The following TNRC6A variants were observed in gnomAD, a reference collection of about 807,000 sequenced individuals.
The protein encoded by TNRC6A is trinucleotide repeat-containing gene 6A protein.
A neutral mutation model predicts 221.2 loss-of-function variants in TNRC6A; 44 were observed. The ratio of observed to expected loss-of-function variants is 0.20; its 90% CI spans 0.16 to 0.26. The LOEUF (loss-of-function observed/expected upper bound fraction) is 0.26, where lower values mean the gene tolerates loss of function less well. Among genes scored for constraint, TNRC6A ranks in the 10% least tolerant of loss-of-function variants. TNRC6A has a pLI of 1.00. For synonymous variants in TNRC6A, 847 were observed against 838.5 expected (o/e 1.01, Z -0.18); for missense variants, 2,199 against 2,404.4 (o/e 0.91, Z 1.79).
chr16:24,801,707 C>T (rs1031663724), intron 11 of TNRC6A, among the ~76,000 whole-genome samples: 5 of 152,038 alleles, frequency 3.3e-5, no homozygotes, highest in South Asian at 2.1e-4. Context: ...CCAAACTGGT[C>T]GCAAACTCCT....
intron 1 of TNRC6A, among the ~76,000 whole-genome samples, chr16:24,614,091 C>T (rs1242158014): frequency 3.9e-5 from 6 of 152,242 alleles, no homozygotes; most frequent in African/African-American, 1.2e-4. Context: ...GTTGGTTGTT[C>T]GTGGATGATC....
intron 4 of TNRC6A, among the ~76,000 whole-genome samples, chr16:24,774,588 G>C (rs1596674240): frequency 6.6e-6 from 1 of 152,000 alleles, no homozygotes; most frequent in Non-Finnish European, 1.5e-5. Context: ...TTAATGTTTA[G>C]ATTTTTAAAG....
At chr16:24,735,483 G>A (rs1022363920) in intron 2 of TNRC6A, among the ~76,000 whole-genome samples, 3 of 152,164 alleles carry the variant, frequency 2.0e-5, no homozygotes, top group South Asian at 2.1e-4. Flanking sequence ...AGGTTGGTGC[G>A]AAAGTTAATT....
chr16:24,721,826 C>T (rs544845430), intron 2 of TNRC6A, among the ~76,000 whole-genome samples: 11 of 152,276 alleles, frequency 7.2e-5, no homozygotes, highest in Non-Finnish European at 1.3e-4. Flanking sequence ...TAAAAAGGAA[C>T]GAACTTAATA....
chr16:24,713,649 G>GT (rs1176638699), intron 2 of TNRC6A, among the ~76,000 whole-genome samples: 1 of 150,306 alleles, frequency 6.7e-6, no homozygotes, highest in African/African-American at 2.5e-5. Flanking sequence ...GTTTAGTTTA[G>GT]TTTTATTTTT....
chr16:24,768,114 G>A (rs1433979535), intron 4 of TNRC6A, among the ~76,000 whole-genome samples: 1 of 152,108 alleles, frequency 6.6e-6, no homozygotes, highest in Admixed American at 6.6e-5. Flanking sequence ...AGATTAATAG[G>A]CAATCTGAAT....
At chr16:24,637,030 T>C (rs1388891575) in intron 1 of TNRC6A, among the ~76,000 whole-genome samples, 1 of 151,914 alleles carries the variant, frequency 6.6e-6, no homozygotes, top group Non-Finnish European at 1.5e-5. Flanking sequence ...GTTTTTTTTG[T>C]TTGTTTTTCT....
At chr16:24,806,305 G>A (rs371027875) in intron 16 of TNRC6A, 22 bp downstream of exon 16, 552 of 1,612,798 alleles carry the variant, frequency 3.4e-4, no homozygotes, top group Non-Finnish European at 4.4e-4. Flanking sequence ...CCTGCAACTC[G>A]CAATGCTGTC....
intron 2 of TNRC6A, among the ~76,000 whole-genome samples, chr16:24,717,723 G>A (rs1302832800): frequency 1.3e-5 from 2 of 149,606 alleles, no homozygotes; most frequent in Non-Finnish European, 3.0e-5. Flanking sequence ...TTGTTGTCAC[G>A]TCATTTAACT....
intron 2 of TNRC6A, among the ~76,000 whole-genome samples, chr16:24,737,507 C>A (rs1435081788): frequency 6.6e-6 from 1 of 152,186 alleles, no homozygotes; most frequent in East Asian, 1.9e-4. Context: ...TAGGGAAAAG[C>A]ATTTTGAATT....
intron 2 of TNRC6A, among the ~76,000 whole-genome samples, chr16:24,687,958 T>TCTTTTCTTTTC (rs1249885392): frequency 2.9e-5 from 4 of 137,572 alleles, no homozygotes; most frequent in African/African-American, 8.2e-5. Flanking sequence ...TCTTTTCTTT[T>TCTTTTCTTTTC]TTTTTTTTTT....
At chr16:24,749,054 G>A (rs1208026671) in intron 2 of TNRC6A, among the ~76,000 whole-genome samples, 1 of 152,046 alleles carries the variant, frequency 6.6e-6, no homozygotes, top group African/African-American at 2.4e-5. Flanking sequence ...TATTCTTAGT[G>A]TCCCCTCTGG....
At position 24,789,367 on chromosome 16, in the gene TNRC6A, C is replaced by T. The variant is rs764631562; in HGVS notation, c.725C>T (p.Ala242Val). The change falls in exon 6 of 25, where the codon GCC (alanine) becomes GTC (valine). Residue 242 changes from alanine to valine, a missense_variant. Ala to Val is a moderately conservative substitution (Grantham distance 64). This residue lies in a region of TNRC6A where 1,405 missense variants were observed against 1,400.2 expected (regional missense o/e 1.00). Coordinates refer to ENST00000395799, the MANE Select transcript of TNRC6A (RefSeq NM_014494.4). ...DLSEKEAWPS[A>V]PGSDPELASE... ...TCGGAAAAAGAAGCATGGCCCTCAG[C>T]CCCTGGCAGTGATCCGGAGTTGGCT... The T allele has an allele frequency of 8.1e-6, 13 of 1,614,086 alleles. No individual in the cohort carries two copies. The East Asian group carries it at 2.7e-4, about 33-fold the overall frequency.
chr16:24,766,897 G>C (rs112130086), intron 4 of TNRC6A, among the ~76,000 whole-genome samples: 1 of 151,888 alleles, frequency 6.6e-6, no homozygotes, highest in Non-Finnish European at 1.5e-5. Flanking sequence ...GGCTGGTGTC[G>C]AACTCCTGAC....
At chr16:24,654,620 G>A (rs1902858700) in intron 2 of TNRC6A, among the ~76,000 whole-genome samples, 1 of 152,116 alleles carries the variant, frequency 6.6e-6, no homozygotes, top group Non-Finnish European at 1.5e-5. Flanking sequence ...TCCAGAGGCT[G>A]AGGCAGGAGA....
chr16:24,712,235 C>T (rs2056218984), intron 2 of TNRC6A, among the ~76,000 whole-genome samples: 1 of 149,720 alleles, frequency 6.7e-6, no homozygotes, highest in Admixed American at 6.6e-5. Flanking sequence ...ACCACTGCAA[C>T]CTCAAGCGAT....
chr16:24,712,456 C>T, intron 2 of TNRC6A, among the ~76,000 whole-genome samples: 1 of 152,164 alleles, frequency 6.6e-6, no homozygotes, highest in East Asian at 1.9e-4. Context: ...GTTTTTTGTG[C>T]TGTTATTGTC....
chr16:24,620,985 G>C (rs1174798158), intron 1 of TNRC6A, among the ~76,000 whole-genome samples: 3 of 150,328 alleles, frequency 2.0e-5, no homozygotes. Context: ...TTGGGAGGCT[G>C]AGGCAGGAGA....
chr16:24,665,139 A>T (rs1158439659), intron 2 of TNRC6A: 4 of 367,366 alleles, frequency 1.1e-5, no homozygotes, highest in African/African-American at 8.4e-5. Flanking sequence ...GTGCAATCAT[A>T]GCTCACTGCA....
Sources: gnomAD v4.1 joint callset for allele counts (sites outside exome capture counted in the v4.1 genomes callset) on GRCh38, gnomAD v4.1.1 for gene constraint, gnomAD v4.1.1 regional missense constraint, MANE v1.5 for transcripts, NCBI Gene and HGNC (gene_info 2026-07-23, HGNC 2026-07-21) for gene names.